HECTD2: variants seen among roughly 807,000 people sequenced by gnomAD.
HECTD2 encodes HECT domain E3 ubiquitin protein ligase 2.
Under a neutral mutation model 103.2 loss-of-function variants are expected in HECTD2, and 35 were observed. The ratio of observed to expected loss-of-function variants is 0.34; its 90% CI spans 0.26 to 0.45. The LOEUF (loss-of-function observed/expected upper bound fraction) is 0.45, where lower values mean the gene tolerates loss of function less well. Among genes scored for constraint, HECTD2 ranks in the 20% least tolerant of loss-of-function variants. The pLI, the probability that HECTD2 is intolerant of heterozygous loss-of-function variation, is 1.00. For missense variants in HECTD2, 596 were observed against 937.4 expected (o/e 0.64, Z 4.76); for synonymous variants, 281 against 329.9 (o/e 0.85, Z 1.61).
chr10:91,423,571 C>T (rs1843437647), intron 1 of HECTD2, among the ~76,000 whole-genome samples: 1 of 152,108 alleles, frequency 6.6e-6, no homozygotes. Flanking sequence ...CCCTCAGGTT[C>T]CCATGTAGTG....
chr10:91,417,688 C>A (rs1224275601), intron 1 of HECTD2, among the ~76,000 whole-genome samples: 2 of 152,020 alleles, frequency 1.3e-5, no homozygotes, highest in African/African-American at 4.8e-5. Context: ...CTACAAAGGA[C>A]ATGAACTCAT....
chr10:91,431,352 T>C (rs763699169), intron 2 of HECTD2, among the ~76,000 whole-genome samples: 4 of 152,094 alleles, frequency 2.6e-5, no homozygotes, highest in Non-Finnish European at 4.4e-5. Context: ...CTGACAATTA[T>C]GTGTTTTGGA....
chr10:91,474,211 A>G (rs752354222), intron 5 of HECTD2, among the ~76,000 whole-genome samples: 3 of 152,214 alleles, frequency 2.0e-5, no homozygotes, highest in Non-Finnish European at 4.4e-5. Context: ...GGGGAATGGG[A>G]AAAAGAAGCA....
At chr10:91,460,362 T>G in intron 2 of HECTD2, 65 bp from the exon 3 acceptor site, 2 of 1,243,232 alleles carry the variant, frequency 1.6e-6, no homozygotes, top group Non-Finnish European at 2.2e-6. Flanking sequence ...TGAATTAATC[T>G]TGTATTTTAT....
intron 2 of HECTD2, among the ~76,000 whole-genome samples, chr10:91,444,951 A>G (rs1356519151): frequency 6.6e-6 from 1 of 152,182 alleles, no homozygotes; most frequent in East Asian, 1.9e-4. Context: ...ACTGTTGCCA[A>G]TTTTAGCTGG....
At chr10:91,472,232 C>T (rs1845753884) in intron 5 of HECTD2, among the ~76,000 whole-genome samples, 1 of 152,118 alleles carries the variant, frequency 6.6e-6, no homozygotes, top group Non-Finnish European at 1.5e-5. Flanking sequence ...ATAAATAGTG[C>T]TGGGATAACT....
chr10:91,471,921 A>C (rs1472549882), intron 5 of HECTD2, among the ~76,000 whole-genome samples: 2 of 152,238 alleles, frequency 1.3e-5, no homozygotes, highest in African/African-American at 4.8e-5. Flanking sequence ...ATTGCAATCA[A>C]ACTACCAATG....
intron 6 of HECTD2, among the ~76,000 whole-genome samples, chr10:91,478,705 T>G (rs1003252785): frequency 2.6e-5 from 4 of 152,064 alleles, no homozygotes; most frequent in African/African-American, 9.6e-5. Flanking sequence ...AAATATTAGA[T>G]TCTTATATAA....
rs544991749 is a variant in HECTD2, at chr10:91,493,350, T to A, written c.1433-70T>A. 43 of 711,866 alleles carry A rather than the reference T, an allele frequency of 6.0e-5. 1 individual carries two copies. In the South Asian group the frequency reaches 8.6e-4, roughly 14 times the overall value. 44.1% of individuals were successfully genotyped at this position (711,866 alleles called of 1,614,324 possible). ...AGCTTCTAATAGATGAGATGTCATG[T>A]ACATGTTTACCACTTTGATTTTTTT... On this transcript the variant is annotated intron_variant, in intron 13 of 20. Coordinates refer to ENST00000298068, the MANE Select transcript of HECTD2 (RefSeq NM_182765.6).
chr10:91,415,751 T>TTCTA (rs1435201429), intron 1 of HECTD2, among the ~76,000 whole-genome samples: 116 of 152,334 alleles, frequency 7.6e-4, no homozygotes, highest in African/African-American at 2.8e-3. Context: ...AAGAGCATGT[T>TTCTA]GTCCAGTAAC....
At chr10:91,464,176 T>A (rs1329643548) in intron 5 of HECTD2, among the ~76,000 whole-genome samples, 1 of 152,182 alleles carries the variant, frequency 6.6e-6, no homozygotes, top group Non-Finnish European at 1.5e-5. Context: ...AAAAGTCCAA[T>A]TCTTAAAGGG....
At chr10:91,410,311 G>GGCGGCGGCA (rs1308962151), upstream of HECTD2, 1 of 372,074 alleles carries the variant, frequency 2.7e-6, no homozygotes, top group Non-Finnish European at 3.8e-6. Context: ...GGGGCGGAGT[G>GGCGGCGGCA]GCGGCGGCAG....
chr10:91,449,144 C>T (rs904457931), intron 2 of HECTD2, among the ~76,000 whole-genome samples: 1 of 151,978 alleles, frequency 6.6e-6, no homozygotes, highest in Admixed American at 6.6e-5. Flanking sequence ...TACTGGCAAA[C>T]CAAATGTAGC....
chr10:91,440,304 T>A (rs1216163649), intron 2 of HECTD2, among the ~76,000 whole-genome samples: 2 of 152,162 alleles, frequency 1.3e-5, no homozygotes, highest in African/African-American at 2.4e-5. Flanking sequence ...TGAATTTTAT[T>A]GAAGGACTTT....
intron 2 of HECTD2, among the ~76,000 whole-genome samples, chr10:91,432,145 G>A (rs1307430339): frequency 2.6e-5 from 4 of 151,922 alleles, no homozygotes; most frequent in Admixed American, 6.6e-5. Flanking sequence ...CCAAATGTAA[G>A]CATGTTTATA....
Position 91,512,155 on chromosome 10 carries a change from A to G in HECTD2, c.2211-109A>G, listed in dbSNP as rs1418881862. 5.1e-6 allele frequency: 6 copies of G among 1,182,460 alleles called. No homozygotes were observed. In the Admixed American group the frequency reaches 1.3e-4, roughly 25 times the overall value. 73.2% of individuals were successfully genotyped at this position (1,182,460 alleles called of 1,614,324 possible). On this transcript the variant is annotated intron_variant, in intron 20 of 20. Transcript: ENST00000298068. ...AGAAATGGATGAGTCATCTCTTAAC[A>G]GAGTGAAATAGATTTGAATGTGTGT...
At position 91,496,256 on chromosome 10, in the gene HECTD2, C is replaced by T. The variant is rs780017761; in HGVS notation, c.1564C>T (p.Arg522Cys). The T allele has an allele frequency of 3.1e-6, 5 of 1,612,320 alleles. No homozygotes were observed. The highest frequency in any genetic ancestry group is 3.4e-6 in the Non-Finnish European group (4 of 1,178,736). The change falls in exon 15 of 21, where the codon CGT (arginine) becomes TGT (cysteine). Residue 522 changes from arginine (R) to cysteine (C), a missense_variant. Around this residue, in one of 4 missense-constraint regions of HECTD2, gnomAD observed 303 missense variants for 522.5 expected, o/e 0.58. Coordinates refer to ENST00000298068, the MANE Select transcript of HECTD2 (RefSeq NM_182765.6). ...AVYNSITLDI[R>C]FPPCCYKKLL... ...TTATAACAGCATCACCTTGGATATTCGTTTCCCTCCCTGCTGTTACAAGAA... is the reference window on the plus strand; with the variant it reads ...TTATAACAGCATCACCTTGGATATTTGTTTCCCTCCCTGCTGTTACAAGAA...
chr10:91,469,635 G>A lies in HECTD2; in HGVS notation c.600+7451G>A, dbSNP rs374546867. ...AATATGGAAAGGAAAGACTGTTACC[G>A]GCTGCCACAAAAACACACTTAAGCA... is the stretch of plus-strand genomic sequence containing the variant. On this transcript the variant is annotated intron_variant, in intron 5 of 20. Transcript: ENST00000298068. Among the ~76,000 whole-genome samples the A allele has an allele frequency of 9.5e-4, 145 of 152,204 alleles. 1 individual carries two copies. The highest frequency in any genetic ancestry group is 3.3e-3 in the African/African-American group (135 of 41,526).
chr10:91,484,556 A>C lies in HECTD2; in HGVS notation c.871A>C (p.Ile291Leu), dbSNP rs777676545. Residue 291 changes from isoleucine (I) to leucine (L), a missense_variant, in exon 9 of 21, where the codon ATT becomes CTT. Physicochemically the swap from Ile to Leu is conservative, Grantham distance 5. Coordinates refer to ENST00000298068, the MANE Select transcript of HECTD2 (RefSeq NM_182765.6). Reference protein sequence around the residue: ...KQLVERLLQFISLRLFPAKPE... With the variant: ...KQLVERLLQFLSLRLFPAKPE... ...ATTGGTAGAGAGATTGCTGCAATTT[A>C]TTTCTTTACGCCTGTTTCCTGCAAA... 9.3e-6 allele frequency: 15 copies of C among 1,612,122 alleles called. No individual in the cohort carries two copies. The highest frequency in any genetic ancestry group is 1.3e-5 in the Non-Finnish European group (15 of 1,178,880).
Sources: gnomAD v4.1 joint callset for allele counts (sites outside exome capture counted in the v4.1 genomes callset) on GRCh38, gnomAD v4.1.1 for gene constraint, gnomAD v4.1.1 regional missense constraint, MANE v1.5 for transcripts, NCBI Gene and HGNC (gene_info 2026-07-23, HGNC 2026-07-21) for gene names.